The following TES variants were observed in gnomAD, a reference collection of about 807,000 sequenced individuals.
TES encodes testin LIM domain protein.
Under a neutral mutation model 48.2 loss-of-function variants are expected in TES, and 41 were observed. That is an observed-to-expected ratio of 0.85 (90% CI 0.66 to 1.10). The LOEUF is 1.10. Among genes scored for constraint, TES ranks in the 50% least tolerant of loss-of-function variants. The probability of loss-of-function intolerance (pLI) is 0.00; values close to 1 mark genes in which losing one functional copy is unlikely to be tolerated. For missense variants in TES, 463 were observed against 515.1 expected (o/e 0.90, Z 0.98); for synonymous variants, 162 against 174.9 (o/e 0.93, Z 0.58).
intron 2 of TES, among the ~76,000 whole-genome samples, chr7:116,245,619 G>A (rs1029253240): frequency 3.9e-5 from 6 of 152,108 alleles, no homozygotes; most frequent in African/African-American, 1.4e-4. Flanking sequence ...CCTCCAGACT[G>A]TTCTAACCTC....
chr7:116,250,951 G>A (rs1047319253), intron 4 of TES, among the ~76,000 whole-genome samples: 11 of 151,964 alleles, frequency 7.2e-5, no homozygotes, highest in African/African-American at 2.7e-4. Flanking sequence ...TTTTTTTTAA[G>A]TCTCTTCTAA....
At chr7:116,257,060 C>T (rs1282619384) in intron 6 of TES, among the ~76,000 whole-genome samples, 1 of 152,238 alleles carries the variant, frequency 6.6e-6, no homozygotes, top group Non-Finnish European at 1.5e-5. Context: ...AGTTATCTTA[C>T]ATGCATCAAA....
chr7:116,251,276 T>C (rs1248788200), intron 4 of TES, among the ~76,000 whole-genome samples: 1 of 152,224 alleles, frequency 6.6e-6, no homozygotes, highest in Non-Finnish European at 1.5e-5. Context: ...TGAGATTCCA[T>C]TTCACAGAAT....
At chr7:116,254,617 T>C (rs916226769) in intron 6 of TES, among the ~76,000 whole-genome samples, 12 of 152,030 alleles carry the variant, frequency 7.9e-5, no homozygotes, top group Non-Finnish European at 1.3e-4. Flanking sequence ...GTGCCTGTAA[T>C]TCCAGCTACT....
intron 6 of TES, among the ~76,000 whole-genome samples, chr7:116,253,791 A>C (rs17138483): frequency 0.33 from 49,542 of 151,704 alleles, 8,413 homozygotes; most frequent in East Asian, 0.57. Context: ...TTCCTGATTC[A>C]CTATGCCCAA....
At chr7:116,249,455 A>AG in intron 3 of TES, 183 bp downstream of exon 3, 2 of 711,760 alleles carry the variant, frequency 2.8e-6, no homozygotes, top group South Asian at 4.3e-5. Context: ...ACTTCATAAA[A>AG]TTTTTCCAAC....
intron 1 of TES, among the ~76,000 whole-genome samples, chr7:116,216,539 A>C (rs1377305958): frequency 1.3e-5 from 2 of 151,768 alleles, no homozygotes; most frequent in Non-Finnish European, 2.9e-5. Context: ...TAATATCAGT[A>C]GTCTACCATG....
In TES at chr7:116,229,948, T is replaced by C. The variant is rs3807973; in HGVS notation, c.28-4586T>C. On this transcript the variant is annotated intron_variant, in intron 1 of 6. Transcript: ENST00000358204. ...TATGGAAAAAGTTCTCACCCAATAATGTGGCATAAGTCAGAGATCTTCAGT... is the reference window on the plus strand; with the variant it reads ...TATGGAAAAAGTTCTCACCCAATAACGTGGCATAAGTCAGAGATCTTCAGT... 2.3e-4 allele frequency among the ~76,000 whole-genome samples: 35 copies of C among 152,286 alleles called. 1 individual carries two copies. In the East Asian group the frequency reaches 6.8e-3, roughly 29 times the overall value.
intron 1 of TES, among the ~76,000 whole-genome samples, chr7:116,220,668 G>T (rs531724659): frequency 5.3e-4 from 80 of 152,240 alleles, no homozygotes; most frequent in Middle Eastern, 3.4e-3. Context: ...TTAGACCTTA[G>T]TACCAATAAG....
intron 6 of TES, among the ~76,000 whole-genome samples, chr7:116,253,095 G>A (rs577665037): frequency 2.4e-4 from 37 of 152,304 alleles, no homozygotes; most frequent in South Asian, 4.1e-4. Flanking sequence ...AGGGTAAAAA[G>A]TTGACCATAG....
At chr7:116,228,950 A>C (rs1799658716) in intron 1 of TES, among the ~76,000 whole-genome samples, 1 of 147,568 alleles carries the variant, frequency 6.8e-6, no homozygotes, top group Non-Finnish European at 1.5e-5. Flanking sequence ...TCCTCCAGGG[A>C]TCTTTCTACA....
At chr7:116,251,430 C>T (rs1800006066) in intron 4 of TES, 2 of 269,576 alleles carry the variant, frequency 7.4e-6, no homozygotes, top group South Asian at 9.3e-5. Flanking sequence ...CGCCTGTAAT[C>T]CCAGCACTTT....
At chr7:116,252,239 G>T in intron 5 of TES, 79 bp from the exon 6 acceptor site, 2 of 1,434,410 alleles carry the variant, frequency 1.4e-6, no homozygotes, top group Non-Finnish European at 1.9e-6. Flanking sequence ...TCAAACTTTA[G>T]ACCCTGAGAA....
chr7:116,241,447 G>A (rs946123540), intron 2 of TES, among the ~76,000 whole-genome samples: 5 of 152,148 alleles, frequency 3.3e-5, no homozygotes, highest in African/African-American at 9.7e-5. Flanking sequence ...GAGCTCCAGT[G>A]TAAGGCTTCT....
At chr7:116,228,860 G>T (rs908072942) in intron 1 of TES, among the ~76,000 whole-genome samples, 1 of 151,516 alleles carries the variant, frequency 6.6e-6, no homozygotes, top group Non-Finnish European at 1.5e-5. Flanking sequence ...TCTAGATGAA[G>T]CCTAAAGAAG....
chr7:116,239,914 T>C (rs1418945563), intron 2 of TES, among the ~76,000 whole-genome samples: 1 of 152,252 alleles, frequency 6.6e-6, no homozygotes, highest in Non-Finnish European at 1.5e-5. Context: ...ATAATTAATA[T>C]AATTGCAACC....
intron 1 of TES, among the ~76,000 whole-genome samples, chr7:116,234,159 C>CAAAGCA (rs1799735715): frequency 6.6e-6 from 1 of 151,988 alleles, no homozygotes; most frequent in Non-Finnish European, 1.5e-5. Flanking sequence ...ATATGTTATT[C>CAAAGCA]AGGATGAGAC....
intron 1 of TES, among the ~76,000 whole-genome samples, chr7:116,232,261 G>A (rs1799709672): frequency 6.6e-6 from 1 of 152,162 alleles, no homozygotes; most frequent in South Asian, 2.1e-4. Context: ...GATATTATCT[G>A]TCCACAAATA....
rs1164299600 is a variant in TES at position 116,257,413 on chromosome 7, T to C, written c.1197T>C (p.Ile399=). 1 of 1,614,094 alleles carries C rather than the reference T, an allele frequency of 6.2e-7. No individual in the cohort carries two copies. The highest frequency in any genetic ancestry group is 8.5e-7 in the Non-Finnish European group (1 of 1,179,986). The change falls in exon 7 of 7, where the codon ATT becomes ATC. Residue 399 remains isoleucine (I), a synonymous_variant. Coordinates refer to ENST00000358204, the MANE Select transcript of TES (RefSeq NM_015641.4). ...FLCSCCSKCL[I]GQKFMPVEGM... is the part of the protein sequence containing the mutation. The stretch of plus-strand genomic sequence containing the variant: ...GCTCTTGCTGCAGCAAATGCCTCAT[T>C]GGGCAGAAGTTCATGCCAGTAGAAG...
Sources: gnomAD v4.1 joint callset for allele counts (sites outside exome capture counted in the v4.1 genomes callset) on GRCh38, gnomAD v4.1.1 for gene constraint, MANE v1.5 for transcripts, NCBI Gene and HGNC (gene_info 2026-07-23, HGNC 2026-07-21) for gene names.